Variants in NEXN observed in about 807,000 individuals in gnomAD.
The protein encoded by NEXN is nexilin.
In NEXN, 65 loss-of-function variants were observed where a neutral mutation model predicts 92.6. The observed-to-expected ratio is 0.70, with a 90% CI of 0.57 to 0.86. The LOEUF is 0.86. NEXN is among the 40% of genes least tolerant of loss of function. The pLI is 0.00. For synonymous variants in NEXN, 254 were observed against 242.5 expected, an observed-to-expected ratio of 1.05 and a Z score of -0.44; for missense variants, 778 against 771.1, an observed-to-expected ratio of 1.01 and a Z score of -0.11.
chr1:77,904,119 A>T (rs966503783), intron 1 of NEXN, among the ~76,000 whole-genome samples: 1 of 151,706 alleles, frequency 6.6e-6, no homozygotes, highest in Non-Finnish European at 1.5e-5. Flanking sequence ...CAGCCTTCCT[A>T]GTAGCTGACA....
intron 11 of NEXN, among the ~76,000 whole-genome samples, chr1:77,941,102 T>C (rs1180959885): frequency 2.6e-5 from 4 of 152,194 alleles, no homozygotes; most frequent in African/African-American, 9.7e-5. Flanking sequence ...TTTTCTTATA[T>C]AGGCAATTAA....
intron 8 of NEXN, among the ~76,000 whole-genome samples, chr1:77,927,750 ATC>A (rs957805097): frequency 6.6e-6 from 1 of 151,842 alleles, no homozygotes; most frequent in Non-Finnish European, 1.5e-5. Flanking sequence ...AATTAATTAA[ATC>A]TCTCTTAGTT....
At position 77,918,772 on chromosome 1, in the gene NEXN, T is replaced by C. The variant is rs74370028; in HGVS notation, c.447+499T>C. 8.3e-3 allele frequency among the ~76,000 whole-genome samples: 1,256 copies of C among 151,894 alleles called. 19 individuals are homozygous for C. The highest frequency in any genetic ancestry group is 0.029 in the African/African-American group (1,199 of 41,394). Reference sequence around the variant, plus strand: ...TGGGCAGAATATGCCTATTTTAAGGTAGAATAGTGAGATGATTTGTATCAT... The same window carrying C: ...TGGGCAGAATATGCCTATTTTAAGGCAGAATAGTGAGATGATTTGTATCAT... On this transcript the variant is annotated intron_variant, in intron 5 of 12. Coordinates refer to ENST00000334785, the MANE Select transcript of NEXN (RefSeq NM_144573.4).
intron 9 of NEXN, among the ~76,000 whole-genome samples, chr1:77,931,384 G>T (rs1301627503): frequency 5.9e-5 from 7 of 119,510 alleles, no homozygotes; most frequent in Admixed American, 1.1e-4. Context: ...CTGCACTCCA[G>T]CCTGGGGGAC....
At chr1:77,914,132 G>A (rs1413521424) in intron 1 of NEXN, among the ~76,000 whole-genome samples, 1 of 152,172 alleles carries the variant, frequency 6.6e-6, no homozygotes, top group East Asian at 1.9e-4. Context: ...CAGTGAAACT[G>A]CTCTGTGCAA....
At chr1:77,890,905 C>T (rs1647092282) in intron 1 of NEXN, among the ~76,000 whole-genome samples, 1 of 152,176 alleles carries the variant, frequency 6.6e-6, no homozygotes, top group South Asian at 2.1e-4. Context: ...GCCACACACA[C>T]ACAGAACATC....
At chr1:77,893,878 G>C (rs1017512193) in intron 1 of NEXN, among the ~76,000 whole-genome samples, 6 of 151,432 alleles carry the variant, frequency 4.0e-5, no homozygotes, top group Admixed American at 6.6e-5. Flanking sequence ...TTTTGCCCAG[G>C]CTGAAGTGGC....
chr1:77,938,539 C>A (rs1192312255), intron 11 of NEXN, among the ~76,000 whole-genome samples: 1 of 148,376 alleles, frequency 6.7e-6, no homozygotes, highest in Non-Finnish European at 1.5e-5. Context: ...GTCCCAGCTA[C>A]TCAGGAGGCT....
chr1:77,909,110 T>G (rs1648365169), intron 1 of NEXN, among the ~76,000 whole-genome samples: 2 of 151,770 alleles, frequency 1.3e-5, no homozygotes, highest in Admixed American at 1.3e-4. Context: ...GAAGGGTAGG[T>G]TTTGTTGGTT....
At chr1:77,932,545 G>A (rs548205360) in intron 9 of NEXN, among the ~76,000 whole-genome samples, 72 of 152,208 alleles carry the variant, frequency 4.7e-4, no homozygotes, top group African/African-American at 1.7e-3. Flanking sequence ...AGATCATGAT[G>A]GGTTATCTAA....
chr1:77,934,027 T>G (rs1650535034), intron 10 of NEXN, among the ~76,000 whole-genome samples: 1 of 149,154 alleles, frequency 6.7e-6, no homozygotes, highest in Non-Finnish European at 1.5e-5. Flanking sequence ...TTTTTTTTTT[T>G]GAGATGGAGT....
chr1:77,921,249 G>A (rs931471503), intron 5 of NEXN, among the ~76,000 whole-genome samples: 3 of 152,134 alleles, frequency 2.0e-5, no homozygotes, highest in Non-Finnish European at 2.9e-5. Context: ...TACTTGGGAG[G>A]CTAAAGTGGG....
chr1:77,920,941 G>C (rs982697442), intron 5 of NEXN, among the ~76,000 whole-genome samples: 1 of 152,128 alleles, frequency 6.6e-6, no homozygotes, highest in African/African-American at 2.4e-5. Flanking sequence ...CACTATACCT[G>C]AACTTCTGAA....
intron 8 of NEXN, among the ~76,000 whole-genome samples, chr1:77,928,404 T>TTA (rs1449479857): frequency 6.6e-6 from 1 of 152,020 alleles, no homozygotes; most frequent in Non-Finnish European, 1.5e-5. Context: ...GTTCTAAGAA[T>TTA]TATATATATA....
At chr1:77,927,899 T>C (rs550324060) in intron 8 of NEXN, among the ~76,000 whole-genome samples, 14 of 152,216 alleles carry the variant, frequency 9.2e-5, no homozygotes, top group Admixed American at 6.5e-4. Flanking sequence ...CTTAAAATGG[T>C]GTTTGTTACA....
chr1:77,893,064 A>C (rs983070922), intron 1 of NEXN, among the ~76,000 whole-genome samples: 1 of 151,826 alleles, frequency 6.6e-6, no homozygotes, highest in Non-Finnish European at 1.5e-5. Context: ...ATAGAGCCTC[A>C]CTATGTTGCC....
chr1:77,894,151 T>G (rs1274218968), intron 1 of NEXN, among the ~76,000 whole-genome samples: 4 of 151,960 alleles, frequency 2.6e-5, no homozygotes, highest in Non-Finnish European at 4.4e-5. Context: ...GAGACGAGAT[T>G]TCACCATGTT....
chr1:77,890,811 G>A (rs1017297134), intron 1 of NEXN, among the ~76,000 whole-genome samples: 1 of 152,144 alleles, frequency 6.6e-6, no homozygotes, highest in Non-Finnish European at 1.5e-5. Flanking sequence ...AAATAATGCA[G>A]TGAATGTGGA....
rs1317902456 is a variant in NEXN, at chr1:77,933,999, G to C, written c.1251+520G>C. Reference sequence around the variant, plus strand: ...TTGGGGTGCACGCAGCACCATGTCTGGCTAATTTTTAATTTTTTTTTTTTT... The same window carrying C: ...TTGGGGTGCACGCAGCACCATGTCTCGCTAATTTTTAATTTTTTTTTTTTT... On this transcript the variant is annotated intron_variant, in intron 10 of 12. Coordinates refer to ENST00000334785, the MANE Select transcript of NEXN (RefSeq NM_144573.4). Among the ~76,000 whole-genome samples, 3 of 96,740 alleles carry C rather than the reference G, an allele frequency of 3.1e-5. No homozygotes were observed. The Admixed American group carries it at 3.2e-4, about 10-fold the overall frequency. 63.5% of individuals were successfully genotyped at this position (96,740 alleles called of 152,430 possible).
Sources: gnomAD v4.1 joint callset for allele counts (sites outside exome capture counted in the v4.1 genomes callset) on GRCh38, gnomAD v4.1.1 for gene constraint, MANE v1.5 for transcripts, NCBI Gene and HGNC (gene_info 2026-07-23, HGNC 2026-07-21) for gene names.